TSPAN18: variants seen among roughly 807,000 people sequenced by gnomAD.
TSPAN18 encodes tetraspanin-18.
TSPAN18 carries 14 observed loss-of-function variants against 27.3 expected under a neutral mutation model. That is an observed-to-expected ratio of 0.51 (90% CI 0.34 to 0.80). TSPAN18 has a LOEUF of 0.80. Among genes scored for constraint, TSPAN18 ranks in the 30% least tolerant of loss-of-function variants. TSPAN18 has a pLI of 0.01. For missense variants in TSPAN18, 268 were observed against 323.9 expected (o/e 0.83, Z 1.32); for synonymous variants, 143 against 136.5 (o/e 1.05, Z -0.33).
chr11:44,892,131 A>G (rs1670314), intron 3 of TSPAN18, among the ~76,000 whole-genome samples: 107,790 of 151,952 alleles, frequency 0.71, 39,838 homozygotes, highest in Non-Finnish European at 0.84. Flanking sequence ...CTTCCTTCCT[A>G]TCCCCTGGTG....
intron 2 of TSPAN18, among the ~76,000 whole-genome samples, chr11:44,837,018 C>T (rs560118573): frequency 6.6e-6 from 1 of 152,222 alleles, no homozygotes; most frequent in African/African-American, 2.4e-5. Flanking sequence ...TGCTAAGACA[C>T]ATCTATTCTG....
intron 3 of TSPAN18, among the ~76,000 whole-genome samples, chr11:44,904,463 T>G (rs957024219): frequency 3.9e-5 from 6 of 152,180 alleles, no homozygotes; most frequent in African/African-American, 7.2e-5. Context: ...CTGGCCAAGC[T>G]CAGCTGGTGG....
Position 44,785,028 on chromosome 11 carries a change from C to T in TSPAN18, c.-153+20516C>T, listed in dbSNP as rs140080507. Among the ~76,000 whole-genome samples, 14 of 152,234 alleles carry T rather than the reference C, an allele frequency of 9.2e-5. No homozygotes were observed. The East Asian group carries it at 1.9e-3, about 21-fold the overall frequency. ...TATGGTGATTTTAATCATCCCTAACCACGGTAATGAGACAAAGCGTGGTTC... is the reference window on the plus strand; with the variant it reads ...TATGGTGATTTTAATCATCCCTAACTACGGTAATGAGACAAAGCGTGGTTC... On this transcript the variant is annotated intron_variant, in intron 2 of 9. Transcript: ENST00000520358.
At chr11:44,819,547 T>C (rs919137729) in intron 2 of TSPAN18, among the ~76,000 whole-genome samples, 1 of 152,144 alleles carries the variant, frequency 6.6e-6, no homozygotes, top group Non-Finnish European at 1.5e-5. Context: ...GGCAGCCTCG[T>C]TGAAGTCAAA....
intron 2 of TSPAN18, among the ~76,000 whole-genome samples, chr11:44,826,962 G>A (rs1857056020): frequency 1.3e-5 from 2 of 152,302 alleles, no homozygotes; most frequent in South Asian, 4.1e-4. Context: ...GGGGCAGGAG[G>A]GACTCTGTCT....
chr11:44,742,912 C>G (rs1369725001), intron 1 of TSPAN18, among the ~76,000 whole-genome samples: 2 of 152,234 alleles, frequency 1.3e-5, no homozygotes, highest in Non-Finnish European at 2.9e-5. Context: ...GCCAGGGCCT[C>G]CTTGTCTTGG....
At chr11:44,831,745 G>GT (rs1388368947) in intron 2 of TSPAN18, among the ~76,000 whole-genome samples, 6 of 152,184 alleles carry the variant, frequency 3.9e-5, no homozygotes, top group Non-Finnish European at 5.9e-5. Context: ...TCTAGTGGGA[G>GT]TAACAAGTCA....
At chr11:44,794,484 A>G (rs1856301816) in intron 2 of TSPAN18, among the ~76,000 whole-genome samples, 1 of 152,192 alleles carries the variant, frequency 6.6e-6, no homozygotes, top group Non-Finnish European at 1.5e-5. Context: ...CCTGGGCAAC[A>G]TGGAGAAATC....
At chr11:44,900,896 T>C (rs1052540965) in intron 3 of TSPAN18, among the ~76,000 whole-genome samples, 2 of 152,008 alleles carry the variant, frequency 1.3e-5, no homozygotes, top group African/African-American at 4.8e-5. Flanking sequence ...GGTTTTGCCA[T>C]GTTGGCCAAG....
chr11:44,840,247 G>T (rs1857346667), intron 2 of TSPAN18, among the ~76,000 whole-genome samples: 1 of 152,172 alleles, frequency 6.6e-6, no homozygotes, highest in South Asian at 2.1e-4. Context: ...CACAGTGCCT[G>T]GCCTGTTTTC....
At position 44,908,829 on chromosome 11, in the gene TSPAN18, A is replaced by G. The variant is rs11038201; in HGVS notation, c.64-876A>G. ...AAAGAAAGAAAGAAAGAAAGAAAGA[A>G]AAAGAAAAATGGAGCAGATATTTAT... is the stretch of plus-strand genomic sequence containing the variant. On this transcript the variant is annotated intron_variant, in intron 4 of 9. Transcript: ENST00000520358. Among the ~76,000 whole-genome samples the G allele has an allele frequency of 4.1e-3, 425 of 103,382 alleles. 95 individuals carry two copies. The highest frequency in any genetic ancestry group is 0.02 in the African/African-American group (411 of 20,438). The allele number at this position is 103,382 out of a possible 152,430, so 67.8% of individuals were successfully genotyped here.
intron 1 of TSPAN18, among the ~76,000 whole-genome samples, chr11:44,733,590 A>C (rs1854716756): frequency 2.6e-5 from 2 of 77,588 alleles, no homozygotes; most frequent in Admixed American, 2.0e-4. Context: ...AATAGGGTAG[A>C]GTATCTGTAT....
At chr11:44,739,382 G>C (rs999412586) in intron 1 of TSPAN18, among the ~76,000 whole-genome samples, 5 of 152,174 alleles carry the variant, frequency 3.3e-5, no homozygotes, top group African/African-American at 9.7e-5. Flanking sequence ...CAGCACTTTG[G>C]GAGGCTGAGG....
At chr11:44,786,529 C>G (rs1007634010) in intron 2 of TSPAN18, among the ~76,000 whole-genome samples, 5 of 151,808 alleles carry the variant, frequency 3.3e-5, no homozygotes, top group African/African-American at 9.7e-5. Context: ...CATGAGGGCT[C>G]TCCTCCCCCG....
At chr11:44,789,479 A>G (rs952496000) in intron 2 of TSPAN18, among the ~76,000 whole-genome samples, 1 of 152,176 alleles carries the variant, frequency 6.6e-6, no homozygotes, top group African/African-American at 2.4e-5. Context: ...CCCAGTTTCC[A>G]CACCTGACAA....
intron 3 of TSPAN18, among the ~76,000 whole-genome samples, chr11:44,878,164 C>G (rs1224101808): frequency 2.0e-5 from 3 of 151,330 alleles, no homozygotes; most frequent in Non-Finnish European, 4.4e-5. Context: ...CCCAGACACC[C>G]CAGGGGACTC....
At chr11:44,787,279 A>C (rs1856080260) in intron 2 of TSPAN18, among the ~76,000 whole-genome samples, 1 of 152,184 alleles carries the variant, frequency 6.6e-6, no homozygotes, top group South Asian at 2.1e-4. Context: ...CATTTTACAG[A>C]TAAGGAAACT....
At chr11:44,909,198 A>G (rs1859616191) in intron 4 of TSPAN18, among the ~76,000 whole-genome samples, 1 of 152,154 alleles carries the variant, frequency 6.6e-6, no homozygotes, top group Non-Finnish European at 1.5e-5. Flanking sequence ...AGCCCCTAGC[A>G]TGGGTGGTGC....
intron 3 of TSPAN18, among the ~76,000 whole-genome samples, chr11:44,890,910 G>A (rs1245093784): frequency 3.3e-5 from 5 of 152,124 alleles, no homozygotes; most frequent in African/African-American, 9.7e-5. Context: ...AGTGGCTCAC[G>A]TCTGTAATCC....
Sources: gnomAD v4.1 joint callset for allele counts (sites outside exome capture counted in the v4.1 genomes callset) on GRCh38, gnomAD v4.1.1 for gene constraint, MANE v1.5 for transcripts, NCBI Gene and HGNC (gene_info 2026-07-23, HGNC 2026-07-21) for gene names.